The following GRK1 variants were observed in gnomAD, a reference collection of about 807,000 sequenced individuals.
GRK1 encodes rhodopsin kinase GRK1.
Under a neutral mutation model 41.7 loss-of-function variants are expected in GRK1, and 28 were observed. The ratio of observed to expected loss-of-function variants is 0.67; its 90% CI spans 0.50 to 0.92. The LOEUF is 0.92. GRK1 is among the 40% of genes least tolerant of loss of function. GRK1 has a pLI of 0.00. For synonymous variants in GRK1, 327 were observed against 286.7 expected (o/e 1.14, Z -1.42); for missense variants, 703 against 671.2 (o/e 1.05, Z -0.52).
chr13:113,662,207 AG>A, the GRK1 span, among the ~76,000 whole-genome samples: 1 of 152,266 alleles, frequency 6.6e-6, no homozygotes, highest in Non-Finnish European at 1.5e-5. Context: ...AACAGGCTGA[AG>A]AAAAACCACA....
chr13:113,726,598 C>A (rs935189097), intron 4 of GRK1: 1 of 155,118 alleles, frequency 6.4e-6, no homozygotes, highest in African/African-American at 2.4e-5. Context: ...GGCTGCAGGT[C>A]CCTCAGGAGG....
At chr13:113,666,136 G>A (rs138070117), upstream of GRK1, among the ~76,000 whole-genome samples, 12 of 145,358 alleles carry the variant, frequency 8.3e-5, no homozygotes, top group South Asian at 1.1e-3. Context: ...ATGTGCCCCC[G>A]GTGTGTCTCA....
chr13:113,667,510 C>T lies in GRK1; in HGVS notation c.124C>T (p.Pro42Ser). The T allele has an allele frequency of 6.2e-7, 1 of 1,612,928 alleles. No homozygotes were observed. Among genetic ancestry groups the T allele is most frequent in the Non-Finnish European group, 8.5e-7 (1 of 1,179,674 alleles). Residue 42 changes from proline to serine, a missense_variant, in exon 1 of 7, where the codon CCC (proline) becomes TCC (serine). Pro to Ser is a moderately conservative substitution (Grantham distance 74). Transcript: ENST00000335678. The surrounding 1 kb of genome is among the most constrained non-coding windows in gnomAD (Gnocchi z 7.5). ...DKKYLAKLKL[P>S]PLSKCESLRD... ...GAAGTACCTGGCCAAGCTCAAGCTG[C>T]CCCCGCTGTCCAAGTGTGAGTCCCT...
the GRK1 span, chr13:113,651,739 A>G: frequency 6.2e-7 from 1 of 1,613,278 alleles, no homozygotes; most frequent in Non-Finnish European, 8.5e-7. Context: ...TAGAAGGGAA[A>G]AGCTTGAGCG....
In GRK1 at chr13:113,667,595, AG is replaced by A. The variant is rs770361031; in HGVS notation, c.210del (p.Lys70AsnfsTer61). On this transcript the variant is annotated frameshift_variant, in exon 1 of 7. Coordinates refer to ENST00000335678, the MANE Select transcript of GRK1 (RefSeq NM_002929.3). LOFTEE classifies it high-confidence loss of function. This position sits in a 1 kb window ranked among gnomAD's most constrained non-coding sequence, Gnocchi z 7.5. ...SVCLEQPIGK[K>X]LFQQFLQSAE... is the part of the protein sequence containing the mutation. Reference sequence around the variant, plus strand: ...TGCTTGGAGCAGCCCATCGGCAAGAAGCTCTTTCAGCAGTTCCTACAATCGG... The same window carrying A: ...TGCTTGGAGCAGCCCATCGGCAAGAACTCTTTCAGCAGTTCCTACAATCGG... The A allele has an allele frequency of 6.2e-7, 1 of 1,613,610 alleles. No homozygotes were observed. The highest frequency in any genetic ancestry group is 8.5e-7 in the Non-Finnish European group (1 of 1,179,890).
At position 113,728,032 on chromosome 13, in the gene GRK1, TGAG is replaced by T. The variant is rs1258526197; in HGVS notation, c.1070-3183_1070-3181del. 1.4e-3 allele frequency among the ~76,000 whole-genome samples: 85 copies of T among 62,204 alleles called. 12 individuals carry two copies. Among genetic ancestry groups the T allele is most frequent in the African/African-American group, 2.0e-3 (27 of 13,274 alleles). The allele number at this position is 62,204 out of a possible 152,430, so 40.8% of individuals were successfully genotyped here. A position where few individuals can be genotyped will look rare whatever the true frequency, so the allele number is the denominator to read the frequency against. On this transcript the variant is annotated intron_variant, in intron 4 of 6. Transcript: ENST00000335678. ...TGGCGATGAGGAGTACCCATGGCGA[TGAG>T]GAGTACCCATGGCGATGAGGAGTAC...
chr13:113,671,694 G>A lies in GRK1; in HGVS notation c.985+38G>A, dbSNP rs922657246. The A allele has an allele frequency of 4.8e-5, 34 of 714,928 alleles. No homozygotes were observed. Among genetic ancestry groups the A allele is most frequent in the African/African-American group, 3.5e-4 (20 of 57,836 alleles). The allele number at this position is 714,928 out of a possible 1,614,324, so 44.3% of individuals were successfully genotyped here. ...CTCGGCTGGGAGGGATGAGGGCTAC[G>A]AGGAGGGCGGGGCGCAGCTTCCTTG... On this transcript the variant is annotated intron_variant, in intron 3 of 6. Coordinates refer to ENST00000335678, the MANE Select transcript of GRK1 (RefSeq NM_002929.3). This position sits in a 1 kb window ranked among gnomAD's most constrained non-coding sequence, Gnocchi z 4.1.
chr13:113,670,675 C>T (rs1192190703), intron 2 of GRK1, among the ~76,000 whole-genome samples: 6 of 45,082 alleles, frequency 1.3e-4, no homozygotes, highest in East Asian at 1.4e-3. Context: ...GGTGTCCAGG[C>T]GGAGGGGAGG....
chr13:113,650,678 C>T, the GRK1 span, among the ~76,000 whole-genome samples: 2 of 152,172 alleles, frequency 1.3e-5, no homozygotes, highest in Middle Eastern at 3.2e-3. The surrounding 1 kb of genome is among the most constrained non-coding windows in gnomAD (Gnocchi z 5.0). Flanking sequence ...GTGCTGAGAT[C>T]TCAGCAAGGA....
chr13:113,731,395 C>T lies in GRK1; in HGVS notation c.1194+52C>T, dbSNP rs2049936729. 1.3e-5 allele frequency: 20 copies of T among 1,534,158 alleles called. No homozygotes were observed. The South Asian group carries it at 1.9e-4, about 15-fold the overall frequency. On this transcript the variant is annotated intron_variant, in intron 5 of 6. Coordinates refer to ENST00000335678, the MANE Select transcript of GRK1 (RefSeq NM_002929.3). This position sits in a 1 kb window ranked among gnomAD's most constrained non-coding sequence, Gnocchi z 5.6. ...GCAGCCACCTTGGCGCCCTGGCTCT[C>T]GATGGGGACGGGGCAGTGATGGGAT...
chr13:113,669,605 G>C, intron 1 of GRK1, 82 bp from the exon 2 acceptor site: 1 of 1,559,940 alleles, frequency 6.4e-7, no homozygotes, highest in Non-Finnish European at 8.8e-7. Flanking sequence ...CAGTGGGCGT[G>C]GCCGGGTGCA....
chr13:113,667,938 C>T lies in GRK1; in HGVS notation c.552C>T (p.Pro184=), dbSNP rs765967111. 1.9e-6 allele frequency: 3 copies of T among 1,609,608 alleles called. No homozygotes were observed. The highest frequency in any genetic ancestry group is 1.1e-5 in the South Asian group (1 of 90,362). The change falls in exon 1 of 7, where the codon CCC becomes CCT. Residue 184 remains proline, a synonymous_variant. Transcript: ENST00000335678. The surrounding 1 kb of genome is among the most constrained non-coding windows in gnomAD (Gnocchi z 7.5). ...AGTGGAAGTGGCTGGAAGCCCAGCCCATGGGGGAGGACTGGTTCCTGGACT... is the reference window on the plus strand; with the variant it reads ...AGTGGAAGTGGCTGGAAGCCCAGCCTATGGGGGAGGACTGGTTCCTGGACT... The part of the protein sequence containing the change: ...FLQWKWLEAQ[P]MGEDWFLDFR...
At position 113,731,296 on chromosome 13, in the gene GRK1, T is replaced by C; in HGVS notation, c.1147T>C (p.Tyr383His). The C allele has an allele frequency of 6.5e-7, 1 of 1,537,010 alleles. No individual in the cohort carries two copies. The highest frequency in any genetic ancestry group is 1.2e-5 in the South Asian group (1 of 84,060). Residue 383 changes from tyrosine to histidine, a missense_variant, in exon 5 of 7, where the codon TAT (tyrosine) becomes CAT (histidine). Tyr to His is a moderately conservative substitution (Grantham distance 83, BLOSUM62 2). Transcript: ENST00000335678. This position sits in a 1 kb window ranked among gnomAD's most constrained non-coding sequence, Gnocchi z 5.6. ...CTACTTTGCCCTGGGGGTCACCCTG[T>C]ATGAGATGATTGCGGCCAGAGGACC... is the stretch of plus-strand genomic sequence containing the variant. ...VDYFALGVTL[Y>H]EMIAARGPFR...
At chr13:113,649,694 A>T in the GRK1 span, among the ~76,000 whole-genome samples, 1 of 152,234 alleles carries the variant, frequency 6.6e-6, no homozygotes, top group Admixed American at 6.5e-5. The surrounding 1 kb of genome is among the most constrained non-coding windows in gnomAD (Gnocchi z 4.7). Context: ...ATTTGCTGAG[A>T]TAACACCCCC....
In GRK1 at chr13:113,671,771, T is replaced by C; in HGVS notation, c.985+115T>C. ...CTGACGGCTGTGTGGACGGTGGGGGTTCATGAGGGCTGACGGCTTCGTGGA... is the reference window on the plus strand; with the variant it reads ...CTGACGGCTGTGTGGACGGTGGGGGCTCATGAGGGCTGACGGCTTCGTGGA... On this transcript the variant is annotated intron_variant, in intron 3 of 6. Coordinates refer to ENST00000335678, the MANE Select transcript of GRK1 (RefSeq NM_002929.3). The surrounding 1 kb of genome is among the most constrained non-coding windows in gnomAD (Gnocchi z 4.1). The C allele has an allele frequency of 1.5e-6, 1 of 677,784 alleles. No homozygotes were observed. The highest frequency in any genetic ancestry group is 2.7e-6 in the Non-Finnish European group (1 of 371,574). 42.0% of individuals were successfully genotyped at this position (677,784 alleles called of 1,614,324 possible).
chr13:113,666,432 C>G (rs1016821750), upstream of GRK1, among the ~76,000 whole-genome samples: 1 of 149,090 alleles, frequency 6.7e-6, no homozygotes, highest in African/African-American at 2.5e-5. Context: ...GCTGTCCCAG[C>G]TGTCCCAGGT....
rs530898654 is a variant in GRK1 at position 113,671,628 on chromosome 13, G to A, written c.957G>A (p.Lys319=). 2.6e-6 allele frequency: 2 copies of A among 768,662 alleles called. No individual in the cohort carries two copies. Among genetic ancestry groups the A allele is most frequent in the African/African-American group, 3.4e-5 (2 of 59,196 alleles). The allele number at this position is 768,662 out of a possible 1,614,324, so 47.6% of individuals were successfully genotyped here. A position where few individuals can be genotyped will look rare whatever the true frequency, so the allele number is the denominator to read the frequency against. Residue 319 remains lysine, a synonymous_variant, in exon 3 of 7, where the codon AAG becomes AAA. Transcript: ENST00000335678. This position sits in a 1 kb window ranked among gnomAD's most constrained non-coding sequence, Gnocchi z 4.1. ...GGCGGATCGTCTACCGCGACCTCAA[G>A]CCCGAGAACGTGCTGCTGGACAATG... is the stretch of plus-strand genomic sequence containing the variant. ...HQRRIVYRDL[K]PENVLLDNDG... is the part of the protein sequence containing the mutation.
chr13:113,669,727 G>A lies in GRK1; in HGVS notation c.740G>A (p.Ser247Asn), dbSNP rs910945455. 6.2e-7 allele frequency: 1 copy of A among 1,613,906 alleles called. No homozygotes were observed. The highest frequency in any genetic ancestry group is 8.5e-7 in the Non-Finnish European group (1 of 1,179,894). Residue 247 changes from serine to asparagine, a missense_variant, in exon 2 of 7, where the codon AGC (serine) becomes AAC (asparagine). Ser to Asn is a conservative substitution (Grantham distance 46, BLOSUM62 1). Coordinates refer to ENST00000335678, the MANE Select transcript of GRK1 (RefSeq NM_002929.3). ...VEKKILMKVH[S>N]RFIVSLAYAF... ...AAGAAGATTCTGATGAAAGTACACA[G>A]CAGGTTCATCGTGTCTCTGGCCTAT...
the GRK1 span, chr13:113,654,954 G>A: frequency 1.9e-6 from 3 of 1,613,580 alleles, no homozygotes; most frequent in African/African-American, 2.7e-5. Context: ...TGCGACACAA[G>A]GCAGGCACAA....
Sources: allele counts gnomAD v4.1 joint callset (sites outside exome capture counted in the v4.1 genomes callset), GRCh38; gene constraint gnomAD v4.1.1; non-coding constraint Gnocchi (gnomAD v3.1); transcripts MANE v1.5; gene names NCBI Gene and HGNC (gene_info 2026-07-23, HGNC 2026-07-21).